The following EDIL3 variants were observed in gnomAD, a reference collection of about 807,000 sequenced individuals.
The protein encoded by EDIL3 is EGF-like repeat and discoidin I-like domain-containing protein 3.
Under a neutral mutation model 67.4 loss-of-function variants are expected in EDIL3, and 37 were observed. That is an observed-to-expected ratio of 0.55 (90% confidence interval 0.42 to 0.72). The LOEUF (loss-of-function observed/expected upper bound fraction) is 0.72, where lower values mean the gene tolerates loss of function less well. Ranked by LOEUF, EDIL3 falls within the 30% of genes least tolerant of loss-of-function variation. The pLI, the probability that EDIL3 is intolerant of heterozygous loss-of-function variation, is 0.00. For missense variants in EDIL3, 527 were observed against 586.3 expected (o/e 0.90, Z 1.04); for synonymous variants, 195 against 196.3 (o/e 0.99, Z 0.05).
At chr5:83,957,866 T>C (rs1449257741) in intron 10 of EDIL3, among the ~76,000 whole-genome samples, 2 of 151,684 alleles carry the variant, frequency 1.3e-5, no homozygotes, top group Non-Finnish European at 3.0e-5. Context: ...TCAGATTTTT[T>C]TCTCACATGG....
chr5:84,380,389 A>G (rs1465226933), intron 1 of EDIL3, among the ~76,000 whole-genome samples: 3 of 152,084 alleles, frequency 2.0e-5, no homozygotes, highest in Non-Finnish European at 4.4e-5. Context: ...TAAAAAGTAA[A>G]TGATTAACTA....
intron 2 of EDIL3, among the ~76,000 whole-genome samples, chr5:84,234,591 CTT>C (rs781728436): frequency 3.9e-5 from 6 of 152,068 alleles, no homozygotes; most frequent in Non-Finnish European, 5.9e-5. Context: ...TTTAAGTAAA[CTT>C]TTATAACTTG....
At chr5:83,964,669 A>G (rs549024091) in intron 9 of EDIL3, among the ~76,000 whole-genome samples, 19 of 152,166 alleles carry the variant, frequency 1.2e-4, no homozygotes, top group South Asian at 8.3e-4. Flanking sequence ...TGAATATTCA[A>G]TATTTTTGAA....
chr5:84,064,015 A>G (rs1017897104), intron 8 of EDIL3, among the ~76,000 whole-genome samples: 1 of 152,140 alleles, frequency 6.6e-6, no homozygotes, highest in Non-Finnish European at 1.5e-5. Flanking sequence ...AGATTCACAC[A>G]TTAAGTCCTC....
At chr5:84,149,006 C>T (rs1055111250) in intron 4 of EDIL3, among the ~76,000 whole-genome samples, 2 of 145,096 alleles carry the variant, frequency 1.4e-5, no homozygotes, top group African/African-American at 5.1e-5. Context: ...AGACAAAATA[C>T]GTGAGACAAC....
At chr5:84,123,860 T>C (rs1444177779) in intron 5 of EDIL3, among the ~76,000 whole-genome samples, 1 of 151,972 alleles carries the variant, frequency 6.6e-6, no homozygotes, top group Admixed American at 6.6e-5. Flanking sequence ...AGTTCCTTTT[T>C]ACTTACATGT....
intron 9 of EDIL3, among the ~76,000 whole-genome samples, chr5:83,980,165 C>G (rs1200879699): frequency 2.6e-5 from 4 of 151,902 alleles, no homozygotes; most frequent in Non-Finnish European, 5.9e-5. Flanking sequence ...TACCTATTTT[C>G]CTTTCTTTAG....
chr5:84,362,039 A>C (rs921659747), intron 1 of EDIL3, among the ~76,000 whole-genome samples: 1 of 152,120 alleles, frequency 6.6e-6, no homozygotes, highest in Non-Finnish European at 1.5e-5. Context: ...AAATGAACTT[A>C]ATGTAGAATA....
chr5:84,303,850 T>TTTGTGTGTGTGTGTGTTTG (rs1554041094), intron 1 of EDIL3, among the ~76,000 whole-genome samples: 1 of 99,180 alleles, frequency 1.0e-5, no homozygotes, highest in Non-Finnish European at 2.1e-5. Flanking sequence ...GTGTGTGTGT[T>TTTGTGTGTGTGTGTGTTTG]TGTGTGTGTG....
intron 4 of EDIL3, among the ~76,000 whole-genome samples, chr5:84,153,807 A>G (rs1748441779): frequency 6.6e-6 from 1 of 152,216 alleles, no homozygotes. Context: ...ATTTTACAAC[A>G]TATTCTGTTC....
chr5:84,207,499 C>T (rs1264766691), intron 3 of EDIL3, among the ~76,000 whole-genome samples: 1 of 152,120 alleles, frequency 6.6e-6, no homozygotes, highest in East Asian at 1.9e-4. Flanking sequence ...TCAATGCCAT[C>T]CCCATCAAGC....
intron 1 of EDIL3, among the ~76,000 whole-genome samples, chr5:84,350,100 TTC>T (rs2112187874): frequency 6.6e-6 from 1 of 152,254 alleles, no homozygotes; most frequent in African/African-American, 2.4e-5. Context: ...TCAAGATTTG[TTC>T]TCTTACCCAC....
intron 6 of EDIL3, among the ~76,000 whole-genome samples, chr5:84,072,660 A>G (rs1035549173): frequency 6.6e-6 from 1 of 152,212 alleles, no homozygotes; most frequent in Non-Finnish European, 1.5e-5. Flanking sequence ...GTTGGCAAAA[A>G]GTTATTCCCT....
At chr5:84,176,613 T>C (rs1246315584) in intron 4 of EDIL3, among the ~76,000 whole-genome samples, 5 of 151,732 alleles carry the variant, frequency 3.3e-5, no homozygotes, top group African/African-American at 7.3e-5. Context: ...AAAATACAAT[T>C]ACTCTAGCCA....
chr5:84,142,834 CT>C lies in EDIL3; in HGVS notation c.356-5481del, dbSNP rs886337625. ...GATAGACGGTGCCCCCCCCCCCAAG[CT>C]TTTTTTTCTTTTGCGAAGACAAATT... is the stretch of plus-strand genomic sequence containing the variant. On this transcript the variant is annotated intron_variant, in intron 4 of 10. Coordinates refer to ENST00000296591, the MANE Select transcript of EDIL3 (RefSeq NM_005711.5). Among the ~76,000 whole-genome samples the C allele has an allele frequency of 5.8e-5, 8 of 138,986 alleles. No individual in the cohort carries two copies. The East Asian group carries it at 1.3e-3, about 22-fold the overall frequency. 91.2% of individuals were successfully genotyped at this position (138,986 alleles called of 152,430 possible).
At chr5:84,224,661 A>C (rs2386421) in intron 3 of EDIL3, among the ~76,000 whole-genome samples, 15,551 of 151,400 alleles carry the variant, frequency 0.1, 1,007 homozygotes, top group Middle Eastern at 0.15. Flanking sequence ...CAAAGTTGTA[A>C]TCTTATCTGT....
chr5:84,308,958 G>A (rs77193019), intron 1 of EDIL3, among the ~76,000 whole-genome samples: 5,167 of 152,170 alleles, frequency 0.034, 303 homozygotes, highest in African/African-American at 0.12. Context: ...ACAAATAGTT[G>A]ATTAGATTTT....
intron 1 of EDIL3, among the ~76,000 whole-genome samples, chr5:84,341,706 C>T (rs1747119347): frequency 7.9e-6 from 1 of 126,682 alleles, no homozygotes; most frequent in Admixed American, 7.8e-5. Context: ...AAATCTGTCC[C>T]ATTTCAACTA....
chr5:84,204,747 TTTTC>T (rs931945961), intron 3 of EDIL3, among the ~76,000 whole-genome samples: 2 of 150,680 alleles, frequency 1.3e-5, no homozygotes, highest in African/African-American at 2.4e-5. Context: ...GTTCTTAAAA[TTTTC>T]TTTCTATTAT....
Sources: gnomAD v4.1 joint callset for allele counts (sites outside exome capture counted in the v4.1 genomes callset) on GRCh38, gnomAD v4.1.1 for gene constraint, MANE v1.5 for transcripts, NCBI Gene and HGNC (gene_info 2026-07-23, HGNC 2026-07-21) for gene names.